Variants in LRWD1 observed in about 807,000 individuals in gnomAD.
The protein encoded by LRWD1 is leucine rich repeats and WD repeat domain containing 1, also known as leucine-rich repeat and WD repeat-containing protein 1.
LRWD1 carries 76 observed loss-of-function variants against 75.6 expected under a neutral mutation model. The observed-to-expected ratio is 1.01, with a 90% CI of 0.84 to 1.22. The LOEUF (loss-of-function observed/expected upper bound fraction) is 1.22, where lower values mean the gene tolerates loss of function less well. Ranked by LOEUF, LRWD1 falls within the 50% of genes most tolerant of loss-of-function variation. LRWD1 has a pLI of 0.00. For missense variants in LRWD1, 917 were observed against 862.0 expected (o/e 1.06, Z -0.80); for synonymous variants, 487 against 377.0 (o/e 1.29, Z -3.38).
rs1586739998 is a variant in LRWD1 at position 102,468,340 on chromosome 7, G to A, written c.882G>A (p.Gln294=). The change falls in exon 7 of 15, where the codon CAG becomes CAA. Residue 294 remains glutamine, a synonymous_variant. Coordinates refer to ENST00000292616, the MANE Select transcript of LRWD1 (RefSeq NM_152892.3). ...KNNSPQDLET[Q]LWACAFEPAW... is the part of the protein sequence containing the mutation. ...ACAGCCCCCAGGACCTCGAGACCCA[G>A]CTGTGGGCCTGTGCCTTCGAGCCGG... 3 of 1,612,244 alleles carry A rather than the reference G, an allele frequency of 1.9e-6. No homozygotes were observed. The East Asian group carries it at 6.7e-5, about 36-fold the overall frequency.
At position 102,465,925 on chromosome 7, in the gene LRWD1, G is replaced by A. The variant is rs1383232426; in HGVS notation, c.189G>A (p.Pro63=). ...DLSNNHLETL[P]DNLGLSHLRV... ...CTAACAACCACCTGGAGACGCTGCC[G>A]GACAACCTGGGCCTGTCCCACCTGC... Residue 63 remains proline (P), a synonymous_variant, in exon 2 of 15, where the codon CCG becomes CCA. Transcript: ENST00000292616. The A allele has an allele frequency of 1.2e-6, 2 of 1,613,612 alleles. No individual in the cohort carries two copies. The highest frequency in any genetic ancestry group is 1.7e-6 in the Non-Finnish European group (2 of 1,180,022).
In LRWD1 at chr7:102,468,582, C is replaced by T. The variant is rs749134582; in HGVS notation, c.948C>T (p.Cys316=). The change falls in exon 8 of 15, where the codon TGC becomes TGT. Residue 316 remains cysteine (C), a synonymous_variant. Transcript: ENST00000292616. ...EGATSQTVAT[C]GGEAVCVIDC... ...CCACATCCCAGACCGTGGCCACGTG[C>T]GGCGGGGAGGCTGTGTGCGTAATTG... is the stretch of plus-strand genomic sequence containing the variant. 17 of 1,577,244 alleles carry T rather than the reference C, an allele frequency of 1.1e-5. No individual in the cohort carries two copies. Among genetic ancestry groups the T allele is most frequent in the African/African-American group, 2.7e-5 (2 of 74,044 alleles).
chr7:102,467,343 C>T lies in LRWD1; in HGVS notation c.437C>T (p.Thr146Ile). The T allele has an allele frequency of 6.2e-7, 1 of 1,605,584 alleles. No individual in the cohort carries two copies. Among genetic ancestry groups the T allele is most frequent in the Non-Finnish European group, 8.5e-7 (1 of 1,176,288 alleles). Residue 146 changes from threonine (T) to isoleucine (I), a missense_variant, in exon 4 of 15, where the codon ACA becomes ATA. Coordinates refer to ENST00000292616, the MANE Select transcript of LRWD1 (RefSeq NM_152892.3). ...NLNRELTSRV[T>I]AHWEKFMATL... ...ATCTGGTCCCTCTTGCACCAGGTCA[C>T]AGCTCACTGGGAGAAGTTCATGGCC...
rs771963184 is a variant in LRWD1 at position 102,473,158 on chromosome 7, G to A, written c.*109G>A. On this transcript the variant is annotated 3_prime_UTR_variant, in exon 15 of 15. Transcript: ENST00000292616. ...GTGAATATTTTTATTAAACTCTACT[G>A]TGGACAAGAAGCCTGTGGAAAGGTG... 6.3e-6 allele frequency: 8 copies of A among 1,274,262 alleles called. No individual in the cohort carries two copies. The highest frequency in any genetic ancestry group is 8.6e-6 in the Non-Finnish European group (8 of 927,020). The allele number at this position is 1,274,262 out of a possible 1,614,324, so 78.9% of individuals were successfully genotyped here. A position where few individuals can be genotyped will look rare whatever the true frequency, so the allele number is the denominator to read the frequency against.
intron 14 of LRWD1, 45 bp downstream of exon 14, chr7:102,472,849 CA>C (rs1392004540): frequency 6.2e-7 from 1 of 1,611,524 alleles, no homozygotes; most frequent in African/African-American, 1.3e-5. Flanking sequence ...GGCAAGGCAT[CA>C]GGGGCCCTGC....
rs969552412 is a variant in LRWD1, at chr7:102,473,120, G to GGT, written c.*72_*73insTG. On this transcript the variant is annotated 3_prime_UTR_variant, in exon 15 of 15. Transcript: ENST00000292616. ...TCAGCTTTGGGCCGATGGGGGTGGG[G>GGT]GGGGGTCTTTCAGTGAATATTTTTA... The GGT allele has an allele frequency of 9.5e-6, 14 of 1,473,068 alleles. No individual in the cohort carries two copies. The African/African-American group carries it at 2.0e-4, about 21-fold the overall frequency. The allele number at this position is 1,473,068 out of a possible 1,614,324, so 91.2% of individuals were successfully genotyped here.
Position 102,472,210 on chromosome 7 carries a change from C to T in LRWD1, c.1443-8C>T. 1.3e-6 allele frequency: 2 copies of T among 1,584,064 alleles called. No individual in the cohort carries two copies. Among genetic ancestry groups the T allele is most frequent in the Non-Finnish European group, 8.6e-7 (1 of 1,163,056 alleles). On this transcript the variant is annotated splice_region_variant and splice_polypyrimidine_tract_variant and intron_variant, in intron 11 of 14. Transcript: ENST00000292616. ...AATGGCCAACTAGCATCTCGTGCTG[C>T]CCCACAGGGTGTGTGAAGTGGAATT... is the stretch of plus-strand genomic sequence containing the variant.
chr7:102,471,664 A>T (rs1798190889), intron 11 of LRWD1: 1 of 156,936 alleles, frequency 6.4e-6, no homozygotes, highest in Non-Finnish European at 1.4e-5. Flanking sequence ...AGAGTCAGGT[A>T]GCTGCCGGGA....
At position 102,466,140 on chromosome 7, in the gene LRWD1, C is replaced by T. The variant is rs766139464; in HGVS notation, c.316-14C>T. On this transcript the variant is annotated splice_polypyrimidine_tract_variant and intron_variant, in intron 2 of 14. Transcript: ENST00000292616. ...CATCTCCTGAGCCACTGCTCTTCAC[C>T]CTCTCTTCCCCAGGTCAATGACAAC... 39 of 1,613,362 alleles carry T rather than the reference C, an allele frequency of 2.4e-5. No individual in the cohort carries two copies. In the East Asian group the frequency reaches 4.7e-4, roughly 19 times the overall value.
intron 11 of LRWD1, chr7:102,471,391 ACAACAAACAGCCCAGGAG>A (rs1798180317): frequency 6.5e-6 from 1 of 154,308 alleles, no homozygotes; most frequent in Non-Finnish European, 1.5e-5. Context: ...TAGCTTACCT[ACAACAAACAGCCCAGGAG>A]GAGCTTCGAC....
chr7:102,465,006 G>T lies in LRWD1; in HGVS notation c.-75G>T. On this transcript the variant is annotated 5_prime_UTR_variant, in exon 1 of 15. Coordinates refer to ENST00000292616, the MANE Select transcript of LRWD1 (RefSeq NM_152892.3). ...CTCAGTTACCGCGGACGCCAGTGCC[G>T]GGCTCCAGGAGACGCAGGGCGACGC... 7.3e-7 allele frequency: 1 copy of T among 1,368,664 alleles called. No individual in the cohort carries two copies. Among genetic ancestry groups the T allele is most frequent in the Non-Finnish European group, 9.5e-7 (1 of 1,054,680 alleles). 84.8% of individuals were successfully genotyped at this position (1,368,664 alleles called of 1,614,324 possible).
chr7:102,465,488 G>GTTTTTTTTT lies in LRWD1; in HGVS notation c.80+328_81-328insTTTTTTTTT, dbSNP rs1797932813. ...GCCCCCGAGTCCTAAAGTAGTTGCA[G>GTTTTTTTTT]CTTTTTTTTTTTTTTTTTTTTTTTT... On this transcript the variant is annotated intron_variant, in intron 1 of 14. Coordinates refer to ENST00000292616, the MANE Select transcript of LRWD1 (RefSeq NM_152892.3). 96 of 108,044 alleles carry GTTTTTTTTT rather than the reference G, an allele frequency of 8.9e-4. 16 individuals are homozygous for GTTTTTTTTT. Among genetic ancestry groups the GTTTTTTTTT allele is most frequent in the African/African-American group, 4.5e-3 (90 of 19,954 alleles). 6.7% of individuals were successfully genotyped at this position (108,044 alleles called of 1,614,324 possible).
intron 9 of LRWD1, 29 bp from the exon 10 acceptor site, chr7:102,469,542 GCCA>G (rs1398678315): frequency 1.2e-6 from 2 of 1,612,860 alleles, no homozygotes; most frequent in Non-Finnish European, 8.5e-7. Flanking sequence ...TCATCTCAGG[GCCA>G]CTTCTCCCCT....
intron 3 of LRWD1, among the ~76,000 whole-genome samples, chr7:102,466,477 C>A (rs373801641): frequency 6.6e-6 from 1 of 152,070 alleles, no homozygotes. Context: ...TGCAGTGATG[C>A]GATCTTGGCT....
rs772429333 is a variant in LRWD1 at position 102,472,218 on chromosome 7, G to C, written c.1443G>C (p.Arg481Ser). The C allele has an allele frequency of 1.9e-6, 3 of 1,589,258 alleles. No individual in the cohort carries two copies. In the South Asian group the frequency reaches 3.4e-5, roughly 18 times the overall value. ...ACTAGCATCTCGTGCTGCCCCACAG[G>C]GTGTGTGAAGTGGAATTCGTCTTCT... is the stretch of plus-strand genomic sequence containing the variant. ...DVRLDQPQKR[R>S]VCEVEFVFSE... The change falls in exon 12 of 15, where the codon AGG becomes AGC. Residue 481 changes from arginine (R) to serine (S), a missense_variant and splice_region_variant. By Grantham distance (110) the Arg-to-Ser change is moderately radical. Coordinates refer to ENST00000292616, the MANE Select transcript of LRWD1 (RefSeq NM_152892.3).
At chr7:102,467,611 G>A (rs1250458914) in intron 4 of LRWD1, 108 bp from the exon 5 acceptor site, 3 of 1,509,570 alleles carry the variant, frequency 2.0e-6, no homozygotes, top group African/African-American at 2.8e-5. Context: ...GTTGGCTGGA[G>A]AGGCCCTTCC....
Position 102,468,260 on chromosome 7 carries a change from C to G in LRWD1, c.805-3C>G, listed in dbSNP as rs751284019. ...CAGCTGTGACCCTTCTCTCCCCCCA[C>G]AGCCTGCTGTGAAGCTGGAGCCCCT... On this transcript the variant is annotated splice_region_variant and splice_polypyrimidine_tract_variant and intron_variant, in intron 6 of 14. Transcript: ENST00000292616. The G allele has an allele frequency of 6.2e-7, 1 of 1,606,068 alleles. No individual in the cohort carries two copies. Among genetic ancestry groups the G allele is most frequent in the South Asian group, 1.1e-5 (1 of 89,532 alleles).
rs1715953521 is a variant in LRWD1 at position 102,473,140 on chromosome 7, T to C, written c.*91T>C. On this transcript the variant is annotated 3_prime_UTR_variant, in exon 15 of 15. Coordinates refer to ENST00000292616, the MANE Select transcript of LRWD1 (RefSeq NM_152892.3). ...GTGGGGGGGGGTCTTTCAGTGAATATTTTTATTAAACTCTACTGTGGACAA... is the reference window on the plus strand; with the variant it reads ...GTGGGGGGGGGTCTTTCAGTGAATACTTTTATTAAACTCTACTGTGGACAA... The C allele has an allele frequency of 7.2e-7, 1 of 1,388,418 alleles. No individual in the cohort carries two copies. Among genetic ancestry groups the C allele is most frequent in the Non-Finnish European group, 9.8e-7 (1 of 1,020,850 alleles). 86.0% of individuals were successfully genotyped at this position (1,388,418 alleles called of 1,614,324 possible).
chr7:102,468,848 C>G lies in LRWD1; in HGVS notation c.1021-7C>G. 6.2e-7 allele frequency: 1 copy of G among 1,609,196 alleles called. No individual in the cohort carries two copies. The highest frequency in any genetic ancestry group is 1.7e-5 in the Admixed American group (1 of 59,968). Reference sequence around the variant, plus strand: ...CCCAGTGACTGTTTACTCTAACCCCCGCCCAGGAGTTCTTTTCTGTGGCCT... The same window carrying G: ...CCCAGTGACTGTTTACTCTAACCCCGGCCCAGGAGTTCTTTTCTGTGGCCT... On this transcript the variant is annotated splice_region_variant and splice_polypyrimidine_tract_variant and intron_variant, in intron 8 of 14. Coordinates refer to ENST00000292616, the MANE Select transcript of LRWD1 (RefSeq NM_152892.3).
Sources: allele counts gnomAD v4.1 joint callset (sites outside exome capture counted in the v4.1 genomes callset), GRCh38; gene constraint gnomAD v4.1.1; transcripts MANE v1.5; gene names NCBI Gene and HGNC (gene_info 2026-07-23, HGNC 2026-07-21).